The following ALDH1A3 variants were observed in gnomAD, a reference collection of about 807,000 sequenced individuals.
ALDH1A3 encodes the protein aldehyde dehydrogenase 1 family member A3.
A neutral mutation model predicts 57.5 loss-of-function variants in ALDH1A3; 28 were observed. That is an observed-to-expected ratio of 0.49 (90% CI 0.36 to 0.67). ALDH1A3 has a LOEUF of 0.67. Ranked by LOEUF, ALDH1A3 falls within the 30% of genes least tolerant of loss-of-function variation. ALDH1A3 has a pLI of 0.00. For synonymous variants in ALDH1A3, 281 were observed against 264.8 expected (o/e 1.06, Z -0.59); for missense variants, 507 against 669.4 (o/e 0.76, Z 2.68).
chr15:100,880,306 G>T (rs2041534769), intron 1 of ALDH1A3: 5 of 375,454 alleles, frequency 1.3e-5, no homozygotes, highest in Non-Finnish European at 2.4e-5. Flanking sequence ...TCCCTGCGCT[G>T]CCCGCTTTGA....
At chr15:100,886,562 C>G (rs973005314) in intron 2 of ALDH1A3, among the ~76,000 whole-genome samples, 13 of 152,196 alleles carry the variant, frequency 8.5e-5, no homozygotes, top group Admixed American at 1.3e-4. Flanking sequence ...TCTGGACACA[C>G]AGAGACTCGG....
At chr15:100,880,181 G>C (rs997065092) in intron 1 of ALDH1A3, 175 bp downstream of exon 1, 24 of 420,624 alleles carry the variant, frequency 5.7e-5, no homozygotes, top group Non-Finnish European at 9.3e-5. Flanking sequence ...GGGACGTCTC[G>C]GGCGGGATCG....
At position 100,916,530 on chromosome 15, in the gene ALDH1A3, G is replaced by A. The variant is rs2041931118; in HGVS notation, c.*1757G>A. On this transcript the variant is annotated 3_prime_UTR_variant, in exon 13 of 13. Coordinates refer to ENST00000329841, the MANE Select transcript of ALDH1A3 (RefSeq NM_000693.4). ...TTCTTTTAAGGTTTACCCCTGTGGT[G>A]TGGTTTAAAAATCTATAGGCCTGGG... 6.6e-6 allele frequency: 1 copy of A among 152,378 alleles called. No individual in the cohort carries two copies. The highest frequency in any genetic ancestry group is 1.5e-5 in the Non-Finnish European group (1 of 68,048). 9.4% of individuals were successfully genotyped at this position (152,378 alleles called of 1,614,324 possible). A position where few individuals can be genotyped will look rare whatever the true frequency, so the allele number is the denominator to read the frequency against.
chr15:100,880,274 A>C (rs927866756), intron 1 of ALDH1A3: 17 of 385,126 alleles, frequency 4.4e-5, no homozygotes, highest in Admixed American at 2.7e-4. Flanking sequence ...GGCCGCCCGC[A>C]TCCCTGCGAG....
At chr15:100,890,770 G>T in intron 3 of ALDH1A3, among the ~76,000 whole-genome samples, 1 of 152,152 alleles carries the variant, frequency 6.6e-6, no homozygotes, top group East Asian at 1.9e-4. Flanking sequence ...TCCCAGAAAA[G>T]AGCAAAGAAT....
chr15:100,907,063 A>T (rs959653335), intron 10 of ALDH1A3, 58 bp from the exon 11 acceptor site: 1 of 1,558,832 alleles, frequency 6.4e-7, no homozygotes, highest in Non-Finnish European at 8.8e-7. Flanking sequence ...ATGCTTGTTC[A>T]CAGCATGCAT....
Position 100,898,144 on chromosome 15 carries a change from TG to T in ALDH1A3, c.849del (p.Lys284ArgfsTer83), listed in dbSNP as rs758955164. 6.8e-6 allele frequency: 11 copies of T among 1,613,874 alleles called. No individual in the cohort carries two copies. The highest frequency in any genetic ancestry group is 1.3e-5 in the African/African-American group (1 of 74,928). The part of the protein sequence containing the change: ...RSNLKRVTLE[L>X]GGKNPCIVCA... The stretch of plus-strand genomic sequence containing the variant: ...AATCTGAAGCGGGTGACGCTGGAGC[TG>T]GGGGGGAAGAACCCCTGCATCGTGT... On this transcript the variant is annotated frameshift_variant, in exon 8 of 13. Transcript: ENST00000329841. LOFTEE classifies it high-confidence loss of function.
chr15:100,914,761 C>T lies in ALDH1A3; in HGVS notation c.1527C>T (p.Asp509=), dbSNP rs370866811. 1.9e-4 allele frequency: 312 copies of T among 1,613,952 alleles called. No individual in the cohort carries two copies. Among genetic ancestry groups the T allele is most frequent in the Non-Finnish European group, 2.5e-4 (298 of 1,180,022 alleles). The change falls in exon 13 of 13, where the codon GAC becomes GAT. Residue 509 remains aspartate (D), a synonymous_variant. Coordinates refer to ENST00000329841, the MANE Select transcript of ALDH1A3 (RefSeq NM_000693.4). ...EVKTVTIKLG[D]KNP ...AAACTGTCACCATCAAACTTGGCGA[C>T]AAGAACCCCTGAAGGAAAGGCGGGG...
intron 6 of ALDH1A3, chr15:100,895,505 G>C (rs905773839): frequency 1.2e-5 from 2 of 164,500 alleles, no homozygotes; most frequent in African/African-American, 2.4e-5. Flanking sequence ...ATATTTTGCA[G>C]GTGCCTCTGA....
Position 100,894,364 on chromosome 15 carries a change from CA to C in ALDH1A3, c.666+283del, listed in dbSNP as rs2041679669. On this transcript the variant is annotated intron_variant, in intron 6 of 12. Coordinates refer to ENST00000329841, the MANE Select transcript of ALDH1A3 (RefSeq NM_000693.4). The surrounding 1 kb of genome is among the most constrained non-coding windows in gnomAD (Gnocchi z 4.5). Reference sequence around the variant, plus strand: ...CCCAGTGGTTTGTCTAGAGAATTTTCAGGGGGGGTCAACCAAGAGGGAGCCA... The same window carrying C: ...CCCAGTGGTTTGTCTAGAGAATTTTCGGGGGGGTCAACCAAGAGGGAGCCA... 1 of 275,350 alleles carries C rather than the reference CA, an allele frequency of 3.6e-6. No homozygotes were observed. Among genetic ancestry groups the C allele is most frequent in the East Asian group, 7.4e-5 (1 of 13,438 alleles). 17.1% of individuals were successfully genotyped at this position (275,350 alleles called of 1,614,324 possible).
intron 2 of ALDH1A3, among the ~76,000 whole-genome samples, chr15:100,886,477 C>T (rs1194962130): frequency 6.6e-6 from 1 of 152,172 alleles, no homozygotes; most frequent in Non-Finnish European, 1.5e-5. Flanking sequence ...TCCTGGCCTC[C>T]ACCCCAGAGC....
At chr15:100,897,655 C>T (rs962054880) in intron 7 of ALDH1A3, among the ~76,000 whole-genome samples, 1 of 152,256 alleles carries the variant, frequency 6.6e-6, no homozygotes, top group Admixed American at 6.5e-5. Context: ...ACAGAACCAC[C>T]CCCCTACTGG....
rs760371405 is a variant in ALDH1A3, at chr15:100,900,632, G to C, written c.941G>C (p.Cys314Ser). ...QGVFFNQGQC[C>S]TAASRVFVEE... The stretch of plus-strand genomic sequence containing the variant: ...GTGTTCTTCAACCAAGGCCAGTGTT[G>C]CACGGCAGCCTCCAGGGTGTTCGTG... The change falls in exon 9 of 13, where the codon TGC becomes TCC. Residue 314 changes from cysteine to serine, a missense_variant. By Grantham distance (112) the Cys-to-Ser change is moderately radical. Transcript: ENST00000329841. 1 of 1,611,194 alleles carries C rather than the reference G, an allele frequency of 6.2e-7. No individual in the cohort carries two copies. Among genetic ancestry groups the C allele is most frequent in the South Asian group, 1.1e-5 (1 of 90,394 alleles).
chr15:100,908,259 G>A (rs564388947), intron 11 of ALDH1A3, 149 bp from the exon 12 acceptor site: 60 of 646,424 alleles, frequency 9.3e-5, no homozygotes, highest in Non-Finnish European at 1.5e-4. Flanking sequence ...GAAGACAAAA[G>A]TTGAGAGCAC....
intron 9 of ALDH1A3, among the ~76,000 whole-genome samples, chr15:100,903,621 C>T (rs2041792918): frequency 6.6e-6 from 1 of 152,214 alleles, no homozygotes; most frequent in Non-Finnish European, 1.5e-5. Context: ...GAGGCTGAAC[C>T]AACGTGTATT....
At chr15:100,892,386 A>G in intron 3 of ALDH1A3, 124 bp from the exon 4 acceptor site, 2 of 1,287,304 alleles carry the variant, frequency 1.6e-6, no homozygotes, top group South Asian at 2.8e-5. Context: ...GGTGCATCTG[A>G]CTGTGAGGTC....
intron 9 of ALDH1A3, 98 bp from the exon 10 acceptor site, chr15:100,905,425 G>A: frequency 7.0e-7 from 1 of 1,437,216 alleles, no homozygotes; most frequent in Admixed American, 1.8e-5. Flanking sequence ...AACATGCAGA[G>A]GGAGGATGGC....
In ALDH1A3 at chr15:100,889,647, T is replaced by G. The variant is rs28610999; in HGVS notation, c.345+1935T>G. Among the ~76,000 whole-genome samples the G allele has an allele frequency of 6.6e-5, 10 of 152,204 alleles. No individual in the cohort carries two copies. Among genetic ancestry groups the G allele is most frequent in the Non-Finnish European group, 1.0e-4 (7 of 68,036 alleles). ...CCTGGGCACCCCCCGCCCTGAACCC[T>G]GTCCTTAAGTGTCAGTATCATCTTA... On this transcript the variant is annotated intron_variant, in intron 3 of 12. Coordinates refer to ENST00000329841, the MANE Select transcript of ALDH1A3 (RefSeq NM_000693.4). This position sits in a 1 kb window ranked among gnomAD's most constrained non-coding sequence, Gnocchi z 5.1.
intron 7 of ALDH1A3, 89 bp from the exon 8 acceptor site, chr15:100,897,994 G>C (rs567451254): frequency 7.7e-7 from 1 of 1,291,158 alleles, no homozygotes; most frequent in Non-Finnish European, 1.1e-6. Context: ...ACTGCCACCC[G>C]GGCTTGATCA....
Sources: allele counts gnomAD v4.1 joint callset (sites outside exome capture counted in the v4.1 genomes callset), GRCh38; gene constraint gnomAD v4.1.1; non-coding constraint Gnocchi (gnomAD v3.1); transcripts MANE v1.5; gene names NCBI Gene and HGNC (gene_info 2026-07-23, HGNC 2026-07-21).